The following SUPT16H variants were observed in gnomAD, a reference collection of about 807,000 sequenced individuals.
SUPT16H encodes the protein SPT16 homolog, facilitates chromatin remodeling subunit.
SUPT16H carries 24 observed loss-of-function variants against 136.2 expected under a neutral mutation model. The ratio of observed to expected loss-of-function variants is 0.18; its 90% confidence interval spans 0.13 to 0.25. The LOEUF (loss-of-function observed/expected upper bound fraction) is 0.25. SUPT16H is among the 10% of genes least tolerant of loss of function. The pLI is 1.00. For synonymous variants in SUPT16H, 415 were observed against 428.2 expected (o/e 0.97, Z 0.38); for missense variants, 623 against 1,270.2 (o/e 0.49, Z 7.74).
At chr14:21,383,695 G>C (rs1009220766) in intron 1 of SUPT16H, 167 bp downstream of exon 1, 2 of 759,216 alleles carry the variant, frequency 2.6e-6, no homozygotes, top group East Asian at 5.3e-5. Context: ...CCCTGTTAAG[G>C]GGCAGCGTTC....
At chr14:21,361,287 C>A (rs2139401388) in intron 15 of SUPT16H, 74 bp from the exon 16 acceptor site, 159 of 1,333,896 alleles carry the variant, frequency 1.2e-4, no homozygotes, top group Non-Finnish European at 1.6e-4. Context: ...ACTTTATCTT[C>A]TAAGCAGCTT....
chr14:21,379,491 T>C (rs1340655826), intron 1 of SUPT16H, among the ~76,000 whole-genome samples: 1 of 147,642 alleles, frequency 6.8e-6, no homozygotes, highest in Non-Finnish European at 1.5e-5. Flanking sequence ...GAGTAAGCAA[T>C]ATTTAAAAAA....
chr14:21,353,633 TA>T, intron 24 of SUPT16H, 68 bp from the exon 25 acceptor site: 1 of 1,602,454 alleles, frequency 6.2e-7, no homozygotes, highest in Admixed American at 1.8e-5. Context: ...GTTCTTAGTC[TA>T]AAAAAAGTAG....
chr14:21,357,333 G>A lies in SUPT16H; in HGVS notation c.2524C>T (p.Leu842=). 6.2e-7 allele frequency: 1 copy of A among 1,605,256 alleles called. No homozygotes were observed. Among genetic ancestry groups the A allele is most frequent in the Middle Eastern group, 1.7e-4 (1 of 6,014 alleles). The change falls in exon 22 of 26, where the codon CTG becomes TTG. Residue 842 remains leucine, a synonymous_variant. Coordinates refer to ENST00000216297, the MANE Select transcript of SUPT16H (RefSeq NM_007192.4). The stretch of plus-strand genomic sequence containing the variant: ...AACTGGACCCGCTCAAAGTGGATCA[G>A]CTCTACCTCATCCAATGTCACCACA... ...PFVVTLDEVE[L]IHFERVQFHL... is the part of the protein sequence containing the mutation.
chr14:21,370,243 CCCAAAA>C, intron 4 of SUPT16H, 87 bp downstream of exon 4: 5 of 1,451,978 alleles, frequency 3.4e-6, no homozygotes, highest in Non-Finnish European at 4.6e-6. Flanking sequence ...ATACAGTTTT[CCCAAAA>C]CAAACGTCCT....
Position 21,352,672 on chromosome 14 carries a change from G to A in SUPT16H, c.*1C>T, listed in dbSNP as rs1355831677. ...TGGAGCTCAGGGCCAAAGTTCAGAA[G>A]TTACTTCCTCTTTTTCTTGGGGGGT... On this transcript the variant is annotated 3_prime_UTR_variant, in exon 26 of 26. Transcript: ENST00000216297. 1 of 1,614,122 alleles carries A rather than the reference G, an allele frequency of 6.2e-7. No individual in the cohort carries two copies. The highest frequency in any genetic ancestry group is 1.3e-5 in the African/African-American group (1 of 75,048).
At chr14:21,353,237 G>A (rs1013735398) in intron 25 of SUPT16H, among the ~76,000 whole-genome samples, 17 of 152,200 alleles carry the variant, frequency 1.1e-4, no homozygotes, top group Non-Finnish European at 2.4e-4. Flanking sequence ...ATGGCTATAG[G>A]AAAGATGGGG....
At chr14:21,366,718 CG>C (rs1295743186) in intron 7 of SUPT16H, among the ~76,000 whole-genome samples, 189 bp from the exon 8 acceptor site, 1 of 148,610 alleles carries the variant, frequency 6.7e-6, no homozygotes, top group Non-Finnish European at 1.5e-5. Flanking sequence ...AGCATGATTA[CG>C]GATCACTGCA....
At position 21,383,872 on chromosome 14, in the gene SUPT16H, C is replaced by G. The variant is rs148988336; in HGVS notation, c.56G>C (p.Ser19Thr). ...CAGGATCTTCCTCACCCGCCAATTG[C>G]TGTACAGTCTCTTCACTCGCCGATA... ...AYYRRVKRLY[S>T]NWRKGEDEYA... The change falls in exon 1 of 26, where the codon AGC becomes ACC. Residue 19 changes from serine (S) to threonine (T), a missense_variant. Ser to Thr is a moderately conservative substitution (Grantham distance 58, BLOSUM62 1). Around this residue, in one of 7 missense-constraint regions of SUPT16H, gnomAD observed 343 missense variants for 525.7 expected, o/e 0.65. Transcript: ENST00000216297. The G allele has an allele frequency of 1.4e-5, 22 of 1,613,822 alleles. No individual in the cohort carries two copies. The highest frequency in any genetic ancestry group is 3.3e-5 in the Admixed American group (2 of 60,012).
Position 21,380,296 on chromosome 14 carries a change from A to ATTTTTTT in SUPT16H, c.66+3559_66+3565dup, listed in dbSNP as rs60588939. Among the ~76,000 whole-genome samples the ATTTTTTT allele has an allele frequency of 4.2e-3, 466 of 112,030 alleles. 7 individuals carry two copies. Among genetic ancestry groups the ATTTTTTT allele is most frequent in the Admixed American group, 9.1e-3 (91 of 9,958 alleles). The allele number at this position is 112,030 out of a possible 152,430, so 73.5% of individuals were successfully genotyped here. ...CTGACAGATACTGATGGAAGACTGA[A>ATTTTTTT]TTTTTTTTTTTTTTTTAAAGAAATG... On this transcript the variant is annotated intron_variant, in intron 1 of 25. Transcript: ENST00000216297.
intron 2 of SUPT16H, among the ~76,000 whole-genome samples, 165 bp downstream of exon 2, chr14:21,373,173 T>C (rs767041354): frequency 6.6e-6 from 1 of 152,210 alleles, no homozygotes; most frequent in Non-Finnish European, 1.5e-5. Flanking sequence ...CTTGAACTCC[T>C]GGGCTCAAGC....
At chr14:21,379,679 C>G (rs751239853) in intron 1 of SUPT16H, among the ~76,000 whole-genome samples, 1 of 151,842 alleles carries the variant, frequency 6.6e-6, no homozygotes, top group Non-Finnish European at 1.5e-5. Context: ...CACGGTGGAA[C>G]CCTGTCTCCA....
At chr14:21,357,816 A>G (rs61971517) in intron 21 of SUPT16H, 111 bp downstream of exon 21, 25,231 of 1,087,754 alleles carry the variant, frequency 0.023, 320 homozygotes, top group African/African-American at 0.033. Flanking sequence ...ATGAGTTTTA[A>G]GTCTAAGTAA....
chr14:21,360,994 G>T, intron 16 of SUPT16H, 22 bp from the exon 17 acceptor site: 1 of 1,612,036 alleles, frequency 6.2e-7, no homozygotes, highest in Non-Finnish European at 8.5e-7. Flanking sequence ...GAAAATTAAT[G>T]TGAATTGTCA....
Position 21,358,425 on chromosome 14 carries a change from C to T in SUPT16H, c.2304G>A (p.Met768Ile). The T allele has an allele frequency of 6.2e-7, 1 of 1,608,330 alleles. No homozygotes were observed. The highest frequency in any genetic ancestry group is 8.5e-7 in the Non-Finnish European group (1 of 1,176,694). Reference protein sequence around the residue: ...HDRDDLYAEQMEREMRHKLKT... With the variant: ...HDRDDLYAEQIEREMRHKLKT... ...TCAGTTTGTGCCTCATTTCTCGTTC[C>T]ATCTGTAGAAGAAAAAAATATCAAA... Residue 768 changes from methionine to isoleucine, a missense_variant and splice_region_variant, in exon 20 of 26, where the codon ATG becomes ATA. Around this residue, in one of 7 missense-constraint regions of SUPT16H, gnomAD observed 21 missense variants for 140.3 expected, o/e 0.15. Transcript: ENST00000216297.
intron 7 of SUPT16H, 68 bp downstream of exon 7, chr14:21,368,201 C>A: frequency 5.3e-6 from 8 of 1,521,706 alleles, no homozygotes; most frequent in Non-Finnish European, 7.1e-6. Flanking sequence ...ACAGGTGTGA[C>A]CCACAGCTCC....
chr14:21,361,273 ATTTACT>A, intron 15 of SUPT16H, 60 bp from the exon 16 acceptor site: 1 of 1,444,990 alleles, frequency 6.9e-7, no homozygotes, highest in Non-Finnish European at 9.5e-7. Flanking sequence ...AATTGTACTG[ATTTACT>A]TTATCTTCTA....
At position 21,355,519 on chromosome 14, in the gene SUPT16H, A is replaced by T. The variant is rs1047853013; in HGVS notation, c.2661-979T>A. 2.4e-4 allele frequency among the ~76,000 whole-genome samples: 33 copies of T among 138,366 alleles called. 1 individual carries two copies. Among genetic ancestry groups the T allele is most frequent in the Middle Eastern group, 3.7e-3 (1 of 268 alleles). 90.8% of individuals were successfully genotyped at this position (138,366 alleles called of 152,430 possible). On this transcript the variant is annotated intron_variant, in intron 22 of 25. Transcript: ENST00000216297. Reference sequence around the variant, plus strand: ...AAAAAATATATAATAATAATAAAAAAAAAAAAAAAAAAAAAAAGAAAGAAA... The same window carrying T: ...AAAAAATATATAATAATAATAAAAATAAAAAAAAAAAAAAAAAGAAAGAAA...
chr14:21,383,994 TCGGCC>T lies in SUPT16H; in HGVS notation c.-72_-68del. On this transcript the variant is annotated 5_prime_UTR_variant, in exon 1 of 26. Transcript: ENST00000216297. ...GAGGTCCCGGCTCAGCCACCCGCTCTCGGCCCAGGAATCCCGCACTCTCCCAATGA... is the reference window on the plus strand; with the variant it reads ...GAGGTCCCGGCTCAGCCACCCGCTCTCAGGAATCCCGCACTCTCCCAATGA... 1 of 1,591,348 alleles carries T rather than the reference TCGGCC, an allele frequency of 6.3e-7. No homozygotes were observed. Among genetic ancestry groups the T allele is most frequent in the Non-Finnish European group, 8.6e-7 (1 of 1,161,236 alleles).
Sources: gnomAD v4.1 joint callset for allele counts (sites outside exome capture counted in the v4.1 genomes callset) on GRCh38, gnomAD v4.1.1 for gene constraint, gnomAD v4.1.1 regional missense constraint, MANE v1.5 for transcripts, NCBI Gene and HGNC (gene_info 2026-07-23, HGNC 2026-07-21) for gene names.